SEMA4C: variants seen among roughly 807,000 people sequenced by gnomAD.
SEMA4C encodes semaphorin-4C.
A neutral mutation model predicts 89.0 loss-of-function variants in SEMA4C; 19 were observed. That is an observed-to-expected ratio of 0.21 (90% CI 0.15 to 0.31). SEMA4C has a LOEUF of 0.31. SEMA4C is among the 10% of genes least tolerant of loss of function. The pLI, the probability that SEMA4C is intolerant of heterozygous loss-of-function variation, is 1.00. For synonymous variants in SEMA4C, 428 were observed against 472.7 expected (o/e 0.91, Z 1.23); for missense variants, 811 against 1,107.0 (o/e 0.73, Z 3.79).
rs748110251 is a variant in SEMA4C, at chr2:96,861,136, C to G, written c.1992G>C (p.Leu664=). 1.2e-6 allele frequency: 2 copies of G among 1,611,560 alleles called. No homozygotes were observed. The highest frequency in any genetic ancestry group is 1.7e-6 in the Non-Finnish European group (2 of 1,179,690). Residue 664 remains leucine (L), a synonymous_variant, in exon 15 of 15, where the codon CTG becomes CTC. Transcript: ENST00000305476. The surrounding 1 kb of genome is among the most constrained non-coding windows in gnomAD (Gnocchi z 7.8). Reference sequence around the variant, plus strand: ...CCAGGGCCACCACCGCCAGCCACACCAGCCCCAGGTTTTCCAGGGGGGCCC... The same window carrying G: ...CCAGGGCCACCACCGCCAGCCACACGAGCCCCAGGTTTTCCAGGGGGGCCC... ...EARAPLENLG[L]VWLAVVALGA... is the part of the protein sequence containing the mutation.
chr2:96,863,743 A>G lies in SEMA4C; in HGVS notation c.1382T>C (p.Ile461Thr), dbSNP rs775868305. The change falls in exon 12 of 15, where the codon ATT (isoleucine) becomes ACT (threonine). Residue 461 changes from isoleucine (I) to threonine (T), a missense_variant. Ile to Thr is a moderately conservative substitution (Grantham distance 89, BLOSUM62 -1). Around this residue, in one of 4 missense-constraint regions of SEMA4C, gnomAD observed 441 missense variants for 664.9 expected, o/e 0.66. Coordinates refer to ENST00000305476, the MANE Select transcript of SEMA4C (RefSeq NM_017789.5). ...AVSLGPWVHL[I>T]EELQLFDQEP... is the part of the protein sequence containing the mutation. ...CTGGTCAAACAGCTGCAGCTCCTCAATCAGGTGAACCCAGGGCCCCAGGCT... is the reference window on the plus strand; with the variant it reads ...CTGGTCAAACAGCTGCAGCTCCTCAGTCAGGTGAACCCAGGGCCCCAGGCT... 49 of 1,613,906 alleles carry G rather than the reference A, an allele frequency of 3.0e-5. No homozygotes were observed. Among genetic ancestry groups the G allele is most frequent in the Non-Finnish European group, 4.0e-5 (47 of 1,180,042 alleles).
intron 3 of SEMA4C, 113 bp from the exon 4 acceptor site, chr2:96,866,042 A>G (rs1411599118): frequency 3.4e-6 from 4 of 1,189,118 alleles, no homozygotes; most frequent in African/African-American, 1.5e-5. Context: ...CATGGTCCCT[A>G]TTCTCTGGGG....
At chr2:96,869,600 C>G in intron 1 of SEMA4C, 1 of 985,278 alleles carries the variant, frequency 1.0e-6, no homozygotes, top group South Asian at 4.7e-5. Context: ...GGATCCCGGC[C>G]GCGGACCGGA....
In SEMA4C at chr2:96,860,788, A is replaced by AC; in HGVS notation, c.2339dup (p.Gly781TrpfsTer28). ...AACCATTGGCATTTGAGTTCCGCCC[A>AC]CCCCCCAGGTGAAGCCGAGTTGGAG... On this transcript the variant is annotated frameshift_variant, in exon 15 of 15. Coordinates refer to ENST00000305476, the MANE Select transcript of SEMA4C (RefSeq NM_017789.5). LOFTEE classifies it high-confidence loss of function. The AC allele has an allele frequency of 1.9e-6, 3 of 1,613,230 alleles. No homozygotes were observed. The highest frequency in any genetic ancestry group is 1.7e-6 in the Non-Finnish European group (2 of 1,179,876).
chr2:96,870,230 G>A (rs2153366269), upstream of SEMA4C: 6 of 985,438 alleles, frequency 6.1e-6, no homozygotes, highest in South Asian at 2.3e-4. Context: ...CGGGGGCTCG[G>A]ACCTCCGCCT....
chr2:96,863,237 A>G, intron 12 of SEMA4C: 4 of 998,282 alleles, frequency 4.0e-6, no homozygotes, highest in Non-Finnish European at 4.8e-6. Flanking sequence ...AGTATTGCAC[A>G]AGGGTATAAT....
At chr2:96,869,284 GGGA>G in intron 1 of SEMA4C, 2 of 985,398 alleles carry the variant, frequency 2.0e-6, no homozygotes, top group Non-Finnish European at 2.4e-6. Context: ...ACGGGCAGCC[GGGA>G]GGAGGGGTTG....
In SEMA4C at chr2:96,864,253, G is replaced by T. The variant is rs758678782; in HGVS notation, c.1092C>A (p.Ser364Arg). The T allele has an allele frequency of 6.8e-6, 11 of 1,613,882 alleles. No homozygotes were observed. The highest frequency in any genetic ancestry group is 1.6e-4 in the Middle Eastern group (1 of 6,084). ...TAGCACTCACCGAGCCAGGCCGAGGGCTGGGTACAGGGTCAGTGTAGCGGT... is the reference window on the plus strand; with the variant it reads ...TAGCACTCACCGAGCCAGGCCGAGGTCTGGGTACAGGGTCAGTGTAGCGGT... ...KWDRYTDPVP[S>R]PRPGSCINNW... is the part of the protein sequence containing the mutation. The change falls in exon 10 of 15, where the codon AGC becomes AGA. Residue 364 changes from serine to arginine, a missense_variant. By Grantham distance (110) the Ser-to-Arg change is moderately radical. Transcript: ENST00000305476. The surrounding 1 kb of genome is among the most constrained non-coding windows in gnomAD (Gnocchi z 6.3).
Position 96,864,982 on chromosome 2 carries a change from A to G in SEMA4C, c.768T>C (p.Arg256=), listed in dbSNP as rs1264563767. ...TCGGTACCTTGCAGACACGGGCCAC[A>G]CGAGCCACCACCTGCTCGGCATAGC... ...SDCYAEQVVA[R]VARVCKGDMG... The change falls in exon 8 of 15, where the codon CGT becomes CGC. Residue 256 remains arginine, a synonymous_variant. Transcript: ENST00000305476. The surrounding 1 kb of genome is among the most constrained non-coding windows in gnomAD (Gnocchi z 6.3). The G allele has an allele frequency of 6.4e-7, 1 of 1,571,632 alleles. No individual in the cohort carries two copies. Among genetic ancestry groups the G allele is most frequent in the East Asian group, 2.4e-5 (1 of 42,190 alleles).
rs1327128522 is a variant in SEMA4C, at chr2:96,865,746, T to G, written c.340A>C (p.Ile114Leu). Residue 114 changes from isoleucine (I) to leucine (L), a missense_variant, in exon 5 of 15, where the codon ATC (isoleucine) becomes CTC (leucine). Ile to Leu is a conservative substitution (Grantham distance 5). This residue lies in a region of SEMA4C where 119 missense variants were observed against 152.7 expected (regional missense o/e 0.78). Transcript: ENST00000305476. The part of the protein sequence containing the change: ...KNNQTECFNF[I>L]RFLQPYNASH... ...GCATTGTAGGGCTGCAGGAAGCGGA[T>G]GAAGTTGAAGCACTCGGTCTGGGGG... 1 of 1,613,894 alleles carries G rather than the reference T, an allele frequency of 6.2e-7. No homozygotes were observed. Among genetic ancestry groups the G allele is most frequent in the Admixed American group, 1.7e-5 (1 of 59,980 alleles).
At chr2:96,868,533 A>C in intron 1 of SEMA4C, 1 of 986,094 alleles carries the variant, frequency 1.0e-6, no homozygotes, top group Non-Finnish European at 1.2e-6. Flanking sequence ...GGAGTGTGAG[A>C]AGGGCCGGGA....
chr2:96,860,955 C>G lies in SEMA4C; in HGVS notation c.2173G>C (p.Glu725Gln). The G allele has an allele frequency of 1.2e-6, 2 of 1,613,062 alleles. No homozygotes were observed. Among genetic ancestry groups the G allele is most frequent in the Non-Finnish European group, 1.7e-6 (2 of 1,180,020 alleles). ...PTSPPFRPCP[E>Q]PDEKLWDPVG... ...GGATCCCAAAGTTTCTCATCTGGTT[C>G]AGGACAGGGCCGGAAGGGGGGACTG... The change falls in exon 15 of 15, where the codon GAA becomes CAA. Residue 725 changes from glutamate to glutamine, a missense_variant. By Grantham distance (29) the Glu-to-Gln change is conservative. Coordinates refer to ENST00000305476, the MANE Select transcript of SEMA4C (RefSeq NM_017789.5).
At position 96,861,236 on chromosome 2, in the gene SEMA4C, T is replaced by TC; in HGVS notation, c.1891dup (p.Glu631GlyfsTer9). The stretch of plus-strand genomic sequence containing the variant: ...TTCAGCAGCCAGCCGCGCCCCCTGC[T>TC]CCTCTGAAAAGCAGTGGTAGGCCCC... On this transcript the variant is annotated frameshift_variant, in exon 15 of 15. Coordinates refer to ENST00000305476, the MANE Select transcript of SEMA4C (RefSeq NM_017789.5). LOFTEE classifies it high-confidence loss of function. The surrounding 1 kb of genome is among the most constrained non-coding windows in gnomAD (Gnocchi z 7.8). 6.2e-7 allele frequency: 1 copy of TC among 1,610,426 alleles called. No individual in the cohort carries two copies. The highest frequency in any genetic ancestry group is 8.5e-7 in the Non-Finnish European group (1 of 1,179,680).
chr2:96,867,923 CCTG>C lies in SEMA4C; in HGVS notation c.-37-3_-37-1del. The C allele has an allele frequency of 2.5e-6, 4 of 1,612,982 alleles. No homozygotes were observed. In the African/African-American group the frequency reaches 5.3e-5, roughly 22 times the overall value. On this transcript the variant is annotated splice_acceptor_variant and splice_polypyrimidine_tract_variant and intron_variant, in intron 1 of 14. Coordinates refer to ENST00000305476, the MANE Select transcript of SEMA4C (RefSeq NM_017789.5). LOFTEE classifies it low-confidence loss of function (5UTR_SPLICE). ...CGGCTCTGAGCTTCAGGCCAGCTGT[CCTG>C]CTGAGGGAAAAGACATGGTCAGAAA... is the stretch of plus-strand genomic sequence containing the variant.
At position 96,865,286 on chromosome 2, in the gene SEMA4C, G is replaced by A; in HGVS notation, c.552C>T (p.Phe184=). 1.2e-6 allele frequency: 2 copies of A among 1,614,214 alleles called. No individual in the cohort carries two copies. The highest frequency in any genetic ancestry group is 1.7e-6 in the Non-Finnish European group (2 of 1,180,030). Residue 184 remains phenylalanine, a synonymous_variant, in exon 7 of 15, where the codon TTC becomes TTT. Coordinates refer to ENST00000305476, the MANE Select transcript of SEMA4C (RefSeq NM_017789.5). The part of the protein sequence containing the change: ...GELYSATLNN[F]LGTEPIILRN... Reference sequence around the variant, plus strand: ...GCAGGATAATGGGTTCCGTGCCCAGGAAGTTGTTGAGTGTGGCCGAGTACA... The same window carrying A: ...GCAGGATAATGGGTTCCGTGCCCAGAAAGTTGTTGAGTGTGGCCGAGTACA...
intron 1 of SEMA4C, chr2:96,869,137 G>A: frequency 1.0e-6 from 1 of 985,364 alleles, no homozygotes; most frequent in Admixed American, 6.1e-5. Flanking sequence ...CGGGGGCTGC[G>A]CCCCAGACCA....
intron 3 of SEMA4C, 82 bp from the exon 4 acceptor site, chr2:96,866,011 C>G: frequency 7.1e-7 from 1 of 1,408,958 alleles, no homozygotes; most frequent in East Asian, 2.3e-5. Context: ...AGCAGCAACA[C>G]AGGGACGCCC....
At chr2:96,866,464 G>A (rs1194099429) in intron 2 of SEMA4C, 33 bp from the exon 3 acceptor site, 6 of 1,613,552 alleles carry the variant, frequency 3.7e-6, no homozygotes, top group Middle Eastern at 3.3e-4. Flanking sequence ...TGATGGGCAG[G>A]ACCCCTGGGG....
chr2:96,864,949 T>C lies in SEMA4C; in HGVS notation c.786+15A>G. 1.3e-6 allele frequency: 2 copies of C among 1,599,548 alleles called. No homozygotes were observed. Among genetic ancestry groups the C allele is most frequent in the Non-Finnish European group, 1.7e-6 (2 of 1,173,618 alleles). The stretch of plus-strand genomic sequence containing the variant: ...CAGCAGGGCTCCCAGGGCCCACCGC[T>C]GTGAGACTCGGTACCTTGCAGACAC... On this transcript the variant is annotated intron_variant, in intron 8 of 14. Transcript: ENST00000305476. This position sits in a 1 kb window ranked among gnomAD's most constrained non-coding sequence, Gnocchi z 6.3.
Sources: gnomAD v4.1 joint callset for allele counts on GRCh38, gnomAD v4.1.1 for gene constraint, gnomAD v4.1.1 regional missense constraint, Gnocchi (gnomAD v3.1) non-coding constraint, MANE v1.5 for transcripts, NCBI Gene and HGNC (gene_info 2026-07-23, HGNC 2026-07-21) for gene names.